The following ROR1 variants were observed in gnomAD, a reference collection of about 807,000 sequenced individuals.
ROR1 encodes ROR family WNT receptor 1.
ROR1 carries 19 observed loss-of-function variants against 78.8 expected under a neutral mutation model. The ratio of observed to expected loss-of-function variants is 0.24; its 90% confidence interval spans 0.17 to 0.35. The LOEUF (loss-of-function observed/expected upper bound fraction) is 0.35. Ranked by LOEUF, ROR1 falls within the 10% of genes least tolerant of loss-of-function variation. The pLI is 1.00. For synonymous variants in ROR1, 386 were observed against 433.6 expected, an observed-to-expected ratio of 0.89 and a Z score of 1.36; for missense variants, 917 against 1,177.8, an observed-to-expected ratio of 0.78 and a Z score of 3.24.
chr1:64,027,200 G>A (rs898845742), intron 2 of ROR1, among the ~76,000 whole-genome samples: 1 of 152,146 alleles, frequency 6.6e-6, no homozygotes, highest in African/African-American at 2.4e-5. Flanking sequence ...TCATTATGAT[G>A]TTATTGCCCA....
intron 1 of ROR1, among the ~76,000 whole-genome samples, chr1:63,984,336 A>G (rs1183797619): frequency 6.6e-6 from 1 of 152,156 alleles, no homozygotes; most frequent in Non-Finnish European, 1.5e-5. Flanking sequence ...TGGTGCCTGT[A>G]TACTGCCCTC....
At chr1:63,833,012 C>G (rs150242088) in intron 1 of ROR1, among the ~76,000 whole-genome samples, 127 of 152,344 alleles carry the variant, frequency 8.3e-4, no homozygotes, top group African/African-American at 3.0e-3. Context: ...TTACAATGCC[C>G]ATTTCCACAA....
At chr1:63,911,019 G>C (rs553498105) in intron 1 of ROR1, among the ~76,000 whole-genome samples, 40 of 152,308 alleles carry the variant, frequency 2.6e-4, no homozygotes, top group African/African-American at 9.6e-4. Flanking sequence ...CTTGAGAACT[G>C]CAGGAAGATT....
At chr1:63,820,250 T>C (rs757704253) in intron 1 of ROR1, among the ~76,000 whole-genome samples, 13 of 152,314 alleles carry the variant, frequency 8.5e-5, no homozygotes, top group Non-Finnish European at 1.8e-4. Context: ...ACGTCATTGG[T>C]GGCTCTCCCT....
chr1:64,140,510 T>A, intron 6 of ROR1, 84 bp downstream of exon 6: 1 of 1,266,934 alleles, frequency 7.9e-7, no homozygotes, highest in Admixed American at 2.0e-5. Flanking sequence ...TGACCCATAG[T>A]GATTTTCATA....
At chr1:64,113,409 C>T (rs946647283) in intron 4 of ROR1, among the ~76,000 whole-genome samples, 1 of 152,066 alleles carries the variant, frequency 6.6e-6, no homozygotes, top group Non-Finnish European at 1.5e-5. Flanking sequence ...TGCAGTAGGC[C>T]GAAGAGATAG....
intron 1 of ROR1, among the ~76,000 whole-genome samples, chr1:63,920,887 C>A (rs1645649049): frequency 6.6e-6 from 1 of 152,204 alleles, no homozygotes; most frequent in Admixed American, 6.5e-5. Flanking sequence ...CAGCTACCTT[C>A]ATGGCCTGTT....
In ROR1 at chr1:64,140,195, C is replaced by T. The variant is rs866948780; in HGVS notation, c.697C>T (p.Pro233Ser). The change falls in exon 6 of 9, where the codon CCG (proline) becomes TCG (serine). Residue 233 changes from proline to serine, a missense_variant. Pro to Ser is a moderately conservative substitution (Grantham distance 74). This residue lies in a region of ROR1 where 835 missense variants were observed against 1,069.8 expected (regional missense o/e 0.78). Transcript: ENST00000371079. ...TCCTTCCCTGTGCCACTATGCCTTCCCGTACTGCGATGAAACTTCATCCGT... is the reference window on the plus strand; with the variant it reads ...TCCTTCCCTGTGCCACTATGCCTTCTCGTACTGCGATGAAACTTCATCCGT... ...AIPSLCHYAFPYCDETSSVPK... is the reference protein window; with the variant it reads ...AIPSLCHYAFSYCDETSSVPK... The T allele has an allele frequency of 6.2e-7, 1 of 1,614,114 alleles. No homozygotes were observed. The highest frequency in any genetic ancestry group is 8.5e-7 in the Non-Finnish European group (1 of 1,180,010).
chr1:64,004,087 C>G (rs932093119), intron 1 of ROR1, among the ~76,000 whole-genome samples: 7 of 152,234 alleles, frequency 4.6e-5, no homozygotes, highest in Non-Finnish European at 7.3e-5. Context: ...GAACATGCAG[C>G]TCAGTGAGAA....
intron 2 of ROR1, among the ~76,000 whole-genome samples, chr1:64,039,755 C>T (rs1646731693): frequency 6.6e-6 from 1 of 152,182 alleles, no homozygotes; most frequent in Non-Finnish European, 1.5e-5. Flanking sequence ...AAAGCCCAAA[C>T]CAGAAATGTA....
At chr1:64,020,946 A>G (rs1646559914) in intron 2 of ROR1, among the ~76,000 whole-genome samples, 1 of 151,974 alleles carries the variant, frequency 6.6e-6, no homozygotes, top group Non-Finnish European at 1.5e-5. Context: ...GTTCCAAGCT[A>G]TATTACTTCA....
chr1:63,893,001 G>A (rs1440097570), intron 1 of ROR1, among the ~76,000 whole-genome samples: 1 of 152,084 alleles, frequency 6.6e-6, no homozygotes, highest in Non-Finnish European at 1.5e-5. Context: ...GCAGAAGAAA[G>A]CAAAAAGCAG....
At chr1:63,990,833 T>A (rs1197172719) in intron 1 of ROR1, among the ~76,000 whole-genome samples, 1 of 151,944 alleles carries the variant, frequency 6.6e-6, no homozygotes, top group East Asian at 1.9e-4. Flanking sequence ...GAGGGAGGAG[T>A]AACTCATTTC....
chr1:63,864,754 C>T (rs762665190), intron 1 of ROR1, among the ~76,000 whole-genome samples: 13 of 151,472 alleles, frequency 8.6e-5, no homozygotes, highest in East Asian at 5.8e-4. Flanking sequence ...AGCAGTTGTA[C>T]GATGTCCTTT....
chr1:63,901,581 ATTTGATT>A (rs1645485442), intron 1 of ROR1, among the ~76,000 whole-genome samples: 1 of 140,214 alleles, frequency 7.1e-6, no homozygotes, highest in Non-Finnish European at 1.6e-5. Context: ...AGTGAACAGA[ATTTGATT>A]CTGAGGGAAT....
At position 64,142,459 on chromosome 1, in the gene ROR1, C is replaced by A; in HGVS notation, c.983C>A (p.Thr328Asn). Residue 328 changes from threonine to asparagine, a missense_variant, in exon 7 of 9, where the codon ACC (threonine) becomes AAC (asparagine). Physicochemically the swap from Thr to Asn is moderately conservative, Grantham distance 65. Coordinates refer to ENST00000371079, the MANE Select transcript of ROR1 (RefSeq NM_005012.4). ...GACTACCGGGGGACCGTCAGTGTGA[C>A]CAAATCAGGGCGCCAGTGCCAGCCA... The part of the protein sequence containing the change: ...GVDYRGTVSV[T>N]KSGRQCQPWN... 1 of 1,614,110 alleles carries A rather than the reference C, an allele frequency of 6.2e-7. No individual in the cohort carries two copies. The highest frequency in any genetic ancestry group is 8.5e-7 in the Non-Finnish European group (1 of 1,180,010).
chr1:64,134,339 G>C (rs1461281931), intron 4 of ROR1, among the ~76,000 whole-genome samples: 1 of 152,134 alleles, frequency 6.6e-6, no homozygotes, highest in Non-Finnish European at 1.5e-5. Context: ...ATTTAACTAA[G>C]AGTAGTATTG....
At chr1:63,946,080 T>C (rs551410737) in intron 1 of ROR1, among the ~76,000 whole-genome samples, 1 of 152,324 alleles carries the variant, frequency 6.6e-6, no homozygotes, top group Admixed American at 6.5e-5. Context: ...CTCATTAAAG[T>C]TTGGCTGTCA....
At chr1:64,033,821 T>C (rs2100572623) in intron 2 of ROR1, among the ~76,000 whole-genome samples, 1 of 152,360 alleles carries the variant, frequency 6.6e-6, no homozygotes, top group East Asian at 1.9e-4. Context: ...TTATACACTT[T>C]ATCTCATTTA....
Sources: allele counts gnomAD v4.1 joint callset (sites outside exome capture counted in the v4.1 genomes callset), GRCh38; gene constraint gnomAD v4.1.1; regional missense constraint gnomAD v4.1.1; transcripts MANE v1.5; gene names NCBI Gene and HGNC (gene_info 2026-07-23, HGNC 2026-07-21).